The following WNT8A variants were observed in gnomAD, a reference collection of about 807,000 sequenced individuals.
WNT8A encodes protein Wnt-8a.
WNT8A carries 14 observed loss-of-function variants against 20.5 expected under a neutral mutation model. That is an observed-to-expected ratio of 0.68 (90% CI 0.45 to 1.07). The LOEUF is 1.07. WNT8A is among the 50% of genes least tolerant of loss of function. WNT8A has a pLI of 0.00. For missense variants in WNT8A, 397 were observed against 462.9 expected, an observed-to-expected ratio of 0.86 and a Z score of 1.31; for synonymous variants, 167 against 169.2, an observed-to-expected ratio of 0.99 and a Z score of 0.10.
chr5:138,091,244 T>G lies in WNT8A; in HGVS notation c.*171T>G. 11 of 1,571,678 alleles carry G rather than the reference T, an allele frequency of 7.0e-6. No homozygotes were observed. The highest frequency in any genetic ancestry group is 9.4e-6 in the Non-Finnish European group (11 of 1,167,382). ...GGAGGCCCAAGATTCTACAGCATAT[T>G]CCTGGCGGGGCTGAAATTGGAACCT... is the stretch of plus-strand genomic sequence containing the variant. On this transcript the variant is annotated 3_prime_UTR_variant, in exon 5 of 5. Transcript: ENST00000506684.
At chr5:138,091,985 A>C (rs1403137135), downstream of WNT8A, 3 of 152,330 alleles carry the variant, frequency 2.0e-5, no homozygotes, top group African/African-American at 7.2e-5. Flanking sequence ...AGCCATGGAA[A>C]GGCAATCATG....
At chr5:138,079,179 G>A (rs774129544), upstream of WNT8A, among the ~76,000 whole-genome samples, 1 of 151,878 alleles carries the variant, frequency 6.6e-6, no homozygotes, top group Admixed American at 6.6e-5. Context: ...GGGCTCCAGC[G>A]GTGTGCTGAA....
upstream of WNT8A, among the ~76,000 whole-genome samples, chr5:138,081,182 C>T (rs546408320): frequency 7.2e-4 from 108 of 149,272 alleles, no homozygotes; most frequent in South Asian, 0.02. Flanking sequence ...GCGGAGATCG[C>T]GCCACTGCAC....
At chr5:138,079,530 C>T (rs1444010415), upstream of WNT8A, among the ~76,000 whole-genome samples, 1 of 151,962 alleles carries the variant, frequency 6.6e-6, no homozygotes, top group Non-Finnish European at 1.5e-5. Context: ...TCTACATTGG[C>T]AGTTTGCAAT....
chr5:138,090,476 C>T, intron 4 of WNT8A, 52 bp from the exon 5 acceptor site: 1 of 1,506,514 alleles, frequency 6.6e-7, no homozygotes, highest in South Asian at 1.2e-5. Flanking sequence ...TAATCACTAA[C>T]CTTTGGTCTT....
Position 138,090,736 on chromosome 5 carries a change from C to T in WNT8A, c.773C>T (p.Ala258Val), listed in dbSNP as rs1258386414. ...SAEGHWVPAE[A>V]FLPSAEAELI... Reference sequence around the variant, plus strand: ...GAGGGCCACTGGGTGCCCGCTGAGGCCTTCCTTCCTAGCGCAGAGGCGGAA... The same window carrying T: ...GAGGGCCACTGGGTGCCCGCTGAGGTCTTCCTTCCTAGCGCAGAGGCGGAA... Residue 258 changes from alanine to valine, a missense_variant, in exon 5 of 5, where the codon GCC (alanine) becomes GTC (valine). Coordinates refer to ENST00000506684, the MANE Select transcript of WNT8A (RefSeq NM_001300939.2). The T allele has an allele frequency of 2.5e-6, 4 of 1,614,132 alleles. No individual in the cohort carries two copies. In the African/African-American group the frequency reaches 5.3e-5, roughly 22 times the overall value.
At chr5:138,085,122 A>G (rs528204260) in intron 2 of WNT8A, among the ~76,000 whole-genome samples, 2 of 152,148 alleles carry the variant, frequency 1.3e-5, no homozygotes, top group East Asian at 3.9e-4. Context: ...TTTAGTAGAG[A>G]TGGGGTTTCA....
chr5:138,091,389 G>A lies in WNT8A; in HGVS notation c.*316G>A. ...GTTTGGTTTGGGGTCTATATCTAGA[G>A]GGACCTTCAAAGTATTTGTTCCTTT... is the stretch of plus-strand genomic sequence containing the variant. On this transcript the variant is annotated 3_prime_UTR_variant, in exon 5 of 5. Transcript: ENST00000506684. The A allele has an allele frequency of 7.2e-7, 1 of 1,389,586 alleles. No individual in the cohort carries two copies. The highest frequency in any genetic ancestry group is 1.1e-5 in the South Asian group (1 of 88,398). The allele number at this position is 1,389,586 out of a possible 1,614,324, so 86.1% of individuals were successfully genotyped here.
rs1750822687 is a variant in WNT8A, at chr5:138,090,791, C to G, written c.828C>G (p.Tyr276Ter). The change falls in exon 5 of 5, where the codon TAC (tyrosine) becomes TAG (stop). Residue 276 changes from tyrosine (Y) to a stop codon, truncating the protein, a stop_gained. Transcript: ENST00000506684. LOFTEE classifies it low-confidence loss of function (END_TRUNC). ...TCTTTTTAGAGGAATCACCAGATTA[C>G]TGTACCTGCAATTCCAGCCTGGGCA... ...ELIFLEESPDYCTCNSSLGIY... is the reference protein window; with the variant it reads ...ELIFLEESPD The G allele has an allele frequency of 6.2e-7, 1 of 1,614,122 alleles. No homozygotes were observed. The highest frequency in any genetic ancestry group is 8.5e-7 in the Non-Finnish European group (1 of 1,180,052).
intron 2 of WNT8A, 127 bp from the exon 3 acceptor site, chr5:138,087,677 AAG>A (rs375494926): frequency 3.8e-6 from 3 of 782,610 alleles, no homozygotes; most frequent in Non-Finnish European, 5.6e-6. Context: ...AAAAAAAAGA[AAG>A]AAAAGCATCC....
chr5:138,088,805 T>A, intron 3 of WNT8A, 122 bp from the exon 4 acceptor site: 2 of 1,371,164 alleles, frequency 1.5e-6, no homozygotes, highest in Non-Finnish European at 9.9e-7. Context: ...CCCAAGCACC[T>A]CCATTTCCCT....
the WNT8A span, among the ~76,000 whole-genome samples, chr5:138,077,852 C>T: frequency 6.6e-6 from 1 of 152,052 alleles, no homozygotes; most frequent in Non-Finnish European, 1.5e-5. Context: ...AGGGCCCAGC[C>T]TTAGGCAGCT....
At chr5:138,089,420 A>T (rs1486299884) in intron 4 of WNT8A, among the ~76,000 whole-genome samples, 1 of 152,184 alleles carries the variant, frequency 6.6e-6, no homozygotes, top group Admixed American at 6.5e-5. Flanking sequence ...TAGTAAATTA[A>T]CAGGGCCTTG....
At position 138,090,884 on chromosome 5, in the gene WNT8A, C is replaced by A; in HGVS notation, c.921C>A (p.Ser307Arg). 6.2e-7 allele frequency: 1 copy of A among 1,614,198 alleles called. No homozygotes were observed. The highest frequency in any genetic ancestry group is 8.5e-7 in the Non-Finnish European group (1 of 1,180,042). ...SHNTSRWERR[S>R]CGRLCTECGL... ...ACACATCCAGGTGGGAGCGACGTAGCTGTGGGCGCCTGTGCACTGAGTGTG... is the reference window on the plus strand; with the variant it reads ...ACACATCCAGGTGGGAGCGACGTAGATGTGGGCGCCTGTGCACTGAGTGTG... The change falls in exon 5 of 5, where the codon AGC becomes AGA. Residue 307 changes from serine (S) to arginine (R), a missense_variant. Ser to Arg is a moderately radical substitution (Grantham distance 110). Transcript: ENST00000506684.
Position 138,091,009 on chromosome 5 carries a change from T to C in WNT8A, c.1046T>C (p.Val349Ala). Reference protein sequence around the residue: ...TVKCDQCRHVVSKYYCARSPG... With the variant: ...TVKCDQCRHVASKYYCARSPG... ...AAGTGTGACCAGTGTAGGCATGTGG[T>C]GAGCAAGTATTACTGCGCACGCTCC... is the stretch of plus-strand genomic sequence containing the variant. Residue 349 changes from valine (V) to alanine (A), a missense_variant, in exon 5 of 5, where the codon GTG becomes GCG. Physicochemically the swap from Val to Ala is moderately conservative, Grantham distance 64 (BLOSUM62 0). Coordinates refer to ENST00000506684, the MANE Select transcript of WNT8A (RefSeq NM_001300939.2). 1 of 1,614,098 alleles carries C rather than the reference T, an allele frequency of 6.2e-7. No individual in the cohort carries two copies. Among genetic ancestry groups the C allele is most frequent in the Non-Finnish European group, 8.5e-7 (1 of 1,179,996 alleles).
chr5:138,079,670 C>G (rs1335778065), upstream of WNT8A, among the ~76,000 whole-genome samples: 2 of 152,154 alleles, frequency 1.3e-5, no homozygotes, highest in Admixed American at 1.3e-4. Context: ...TTCAATCTAT[C>G]TTGTCACAGG....
At position 138,089,003 on chromosome 5, in the gene WNT8A, C is replaced by T. The variant is rs749603455; in HGVS notation, c.498C>T (p.Asp166=). 2 of 1,613,808 alleles carry T rather than the reference C, an allele frequency of 1.2e-6. No homozygotes were observed. The highest frequency in any genetic ancestry group is 1.3e-5 in the African/African-American group (1 of 74,870). Reference sequence around the variant, plus strand: ...AAAGGATCTCCAAACTCTTTGTGGACAGTTTGGAGAAGGGGAAGGATGCCA... The same window carrying T: ...AAAGGATCTCCAAACTCTTTGTGGATAGTTTGGAGAAGGGGAAGGATGCCA... ...FGERISKLFV[D]SLEKGKDARA... The change falls in exon 4 of 5, where the codon GAC becomes GAT. Residue 166 remains aspartate, a synonymous_variant. Transcript: ENST00000506684.
the WNT8A span, among the ~76,000 whole-genome samples, chr5:138,078,662 C>A: frequency 6.6e-6 from 1 of 152,136 alleles, no homozygotes; most frequent in African/African-American, 2.4e-5. Context: ...CTGGGCAAAC[C>A]AGGATGCTGG....
intron 2 of WNT8A, among the ~76,000 whole-genome samples, chr5:138,087,226 A>G (rs1750694270): frequency 6.9e-6 from 1 of 145,302 alleles, no homozygotes; most frequent in African/African-American, 2.6e-5. Flanking sequence ...GGGTGGTGGC[A>G]TGTACCTGCT....
Sources: allele counts gnomAD v4.1 joint callset (sites outside exome capture counted in the v4.1 genomes callset), GRCh38; gene constraint gnomAD v4.1.1; transcripts MANE v1.5; gene names NCBI Gene and HGNC (gene_info 2026-07-23, HGNC 2026-07-21).